GAD2: variants seen among roughly 807,000 people sequenced by gnomAD.
The protein encoded by GAD2 is glutamate decarboxylase 2, also known as 65 kDa glutamic acid decarboxylase.
GAD2 carries 22 observed loss-of-function variants against 80.1 expected under a neutral mutation model. The observed-to-expected ratio is 0.27, with a 90% CI of 0.20 to 0.39. The LOEUF is 0.39. GAD2 is among the 10% of genes least tolerant of loss of function. GAD2 has a pLI of 1.00. For synonymous variants in GAD2, 274 were observed against 256.9 expected, an observed-to-expected ratio of 1.07 and a Z score of -0.64; for missense variants, 624 against 738.4, an observed-to-expected ratio of 0.85 and a Z score of 1.80.
intron 7 of GAD2, 31 bp downstream of exon 7, chr10:26,229,808 G>C (rs369371483): frequency 1.4e-5 from 21 of 1,524,496 alleles, no homozygotes; most frequent in Non-Finnish European, 3.6e-6. Context: ...CAAGTTTAAG[G>C]TTATGTTCCA....
chr10:26,286,225 A>T, intron 12 of GAD2, 120 bp from the exon 13 acceptor site: 1 of 886,708 alleles, frequency 1.1e-6, no homozygotes, highest in Non-Finnish European at 1.7e-6. Flanking sequence ...ATTGATTCTT[A>T]CTGTTTTCTT....
chr10:26,284,031 T>C (rs1015598147), intron 12 of GAD2, among the ~76,000 whole-genome samples: 1 of 152,198 alleles, frequency 6.6e-6, no homozygotes, highest in African/African-American at 2.4e-5. Flanking sequence ...GGAGATTAAA[T>C]AGAGAGATTG....
intron 7 of GAD2, among the ~76,000 whole-genome samples, chr10:26,242,188 G>A (rs372760145): frequency 2.6e-5 from 4 of 152,044 alleles, no homozygotes; most frequent in Non-Finnish European, 5.9e-5. Flanking sequence ...GAGTTTCACC[G>A]TGTTAGCCAG....
chr10:26,255,545 G>C (rs1346227483), intron 8 of GAD2, among the ~76,000 whole-genome samples: 1 of 150,432 alleles, frequency 6.6e-6, no homozygotes, highest in Non-Finnish European at 1.5e-5. Context: ...GGGGCTTACT[G>C]CCCATTTCGC....
intron 8 of GAD2, among the ~76,000 whole-genome samples, chr10:26,247,768 C>T (rs7077030): frequency 1.3e-5 from 2 of 151,424 alleles, no homozygotes; most frequent in Non-Finnish European, 2.9e-5. Flanking sequence ...TGGTGATGTG[C>T]GCCTGTGGTC....
At chr10:26,259,439 T>C (rs1289736773) in intron 8 of GAD2, among the ~76,000 whole-genome samples, 1 of 152,182 alleles carries the variant, frequency 6.6e-6, no homozygotes, top group Non-Finnish European at 1.5e-5. Context: ...TATTTCATTG[T>C]GGTTTTCATT....
At chr10:26,295,155 C>G (rs1373043901) in intron 15 of GAD2, among the ~76,000 whole-genome samples, 1 of 152,064 alleles carries the variant, frequency 6.6e-6, no homozygotes, top group Non-Finnish European at 1.5e-5. Context: ...TCTTCAAATG[C>G]CTCCTAGGTT....
chr10:26,256,017 C>T (rs1352400162), intron 8 of GAD2, among the ~76,000 whole-genome samples: 1 of 151,978 alleles, frequency 6.6e-6, no homozygotes, highest in African/African-American at 2.4e-5. Context: ...GGTGCTCAGA[C>T]CTTAGCTCAT....
At chr10:26,235,689 C>A (rs1844662459) in intron 7 of GAD2, among the ~76,000 whole-genome samples, 1 of 152,144 alleles carries the variant, frequency 6.6e-6, no homozygotes, top group Admixed American at 6.5e-5. Context: ...ATCCCGTTCC[C>A]CAAATCTTCA....
chr10:26,284,417 A>C (rs1185393723), intron 12 of GAD2, among the ~76,000 whole-genome samples: 1 of 152,126 alleles, frequency 6.6e-6, no homozygotes, highest in Non-Finnish European at 1.5e-5. Flanking sequence ...AATGTGTTTT[A>C]ATGTGTTTTA....
chr10:26,273,577 C>A, intron 10 of GAD2, 59 bp from the exon 11 acceptor site: 1 of 1,392,394 alleles, frequency 7.2e-7, no homozygotes, highest in Non-Finnish European at 1.0e-6. Context: ...AGACACCAGA[C>A]TATAGAAATC....
At chr10:26,218,571 A>T (rs1844413877) in intron 3 of GAD2, among the ~76,000 whole-genome samples, 1 of 151,516 alleles carries the variant, frequency 6.6e-6, no homozygotes, top group African/African-American at 2.4e-5. Context: ...ACACACACAC[A>T]CACACACACA....
chr10:26,229,625 A>G, intron 6 of GAD2, 37 bp from the exon 7 acceptor site: 1 of 1,421,280 alleles, frequency 7.0e-7, no homozygotes, highest in South Asian at 1.2e-5. Flanking sequence ...TGAGGTTGAT[A>G]ATAAATAAAG....
chr10:26,299,934 C>T (rs1287421226), intron 15 of GAD2, among the ~76,000 whole-genome samples: 1 of 152,098 alleles, frequency 6.6e-6, no homozygotes, highest in African/African-American at 2.4e-5. Context: ...CATAGTAACA[C>T]TGATGACAAG....
intron 7 of GAD2, among the ~76,000 whole-genome samples, chr10:26,231,372 G>A (rs1349781470): frequency 6.6e-6 from 1 of 152,176 alleles, no homozygotes; most frequent in Non-Finnish European, 1.5e-5. Flanking sequence ...GTGTGTGTCT[G>A]TCTCTGTGTG....
chr10:26,283,524 A>G (rs550826103), intron 12 of GAD2, among the ~76,000 whole-genome samples: 1 of 152,330 alleles, frequency 6.6e-6, no homozygotes, highest in Non-Finnish European at 1.5e-5. Flanking sequence ...TCAAGAGAAA[A>G]ATGCCACACA....
intron 13 of GAD2, 114 bp from the exon 14 acceptor site, chr10:26,292,351 G>A: frequency 1.4e-6 from 1 of 735,766 alleles, no homozygotes; most frequent in African/African-American, 1.8e-5. Context: ...CTTGTGTTGA[G>A]AAAGTGCCAG....
At chr10:26,291,885 T>C (rs1207967538) in intron 13 of GAD2, among the ~76,000 whole-genome samples, 1 of 152,230 alleles carries the variant, frequency 6.6e-6, no homozygotes, top group Non-Finnish European at 1.5e-5. Flanking sequence ...GTGAGTCATT[T>C]ATCTGCCCCC....
At chr10:26,252,499 C>T (rs569136925) in intron 8 of GAD2, among the ~76,000 whole-genome samples, 28 of 152,098 alleles carry the variant, frequency 1.8e-4, no homozygotes, top group Non-Finnish European at 3.2e-4. Flanking sequence ...TGTGCCACCA[C>T]GCCCAGCTAA....
Sources: gnomAD v4.1 joint callset for allele counts (sites outside exome capture counted in the v4.1 genomes callset) on GRCh38, gnomAD v4.1.1 for gene constraint, MANE v1.5 for transcripts, NCBI Gene and HGNC (gene_info 2026-07-23, HGNC 2026-07-21) for gene names.